Variants in SLC35E3 observed in about 807,000 individuals in gnomAD.
SLC35E3 encodes bladder cancer-overexpressed gene 1 protein.
A neutral mutation model predicts 30.8 loss-of-function variants in SLC35E3; 28 were observed. The ratio of observed to expected loss-of-function variants is 0.91; its 90% confidence interval spans 0.67 to 1.25. The LOEUF (loss-of-function observed/expected upper bound fraction) is 1.25. SLC35E3 is among the 50% of genes most tolerant of loss of function. The probability of loss-of-function intolerance (pLI) is 0.00; values close to 1 mark genes in which losing one functional copy is unlikely to be tolerated. For missense variants in SLC35E3, 365 were observed against 375.4 expected (o/e 0.97, Z 0.23); for synonymous variants, 146 against 149.2 (o/e 0.98, Z 0.16).
Position 68,746,629 on chromosome 12 carries a change from C to T in SLC35E3, c.252C>T (p.Phe84=). 6.2e-7 allele frequency: 1 copy of T among 1,614,250 alleles called. No individual in the cohort carries two copies. The highest frequency in any genetic ancestry group is 8.5e-7 in the Non-Finnish European group (1 of 1,180,040). Residue 84 remains phenylalanine, a synonymous_variant, in exon 1 of 5, where the codon TTC becomes TTT. Transcript: ENST00000398004. The stretch of plus-strand genomic sequence containing the variant: ...GGCTCCTCCTCCTGGCCCTCAGCTT[C>T]TGTGGCTTTGTGGTCTTCACTAACC... ...PSRLLLLALS[F]CGFVVFTNLS...
chr12:68,766,844 C>T lies in SLC35E3; in HGVS notation c.*1954C>T, dbSNP rs1004850848. ...AAGCCATCTGTCTGCCTCAGCCTCT[C>T]GAAGTGCTGGGATTACAGGCCTGAG... On this transcript the variant is annotated 3_prime_UTR_variant, in exon 5 of 5. Coordinates refer to ENST00000398004, the MANE Select transcript of SLC35E3 (RefSeq NM_018656.5). 1.6e-5 allele frequency: 7 copies of T among 437,598 alleles called. No homozygotes were observed. Among genetic ancestry groups the T allele is most frequent in the East Asian group, 1.5e-4 (2 of 13,192 alleles). 27.1% of individuals were successfully genotyped at this position (437,598 alleles called of 1,614,324 possible). A position where few individuals can be genotyped will look rare whatever the true frequency, so the allele number is the denominator to read the frequency against.
Position 68,776,964 on chromosome 12 carries a change from C to T in SLC35E3, c.*12074C>T, listed in dbSNP as rs993407673. 2.6e-5 allele frequency: 4 copies of T among 152,212 alleles called. No individual in the cohort carries two copies. Among genetic ancestry groups the T allele is most frequent in the African/African-American group, 7.2e-5 (3 of 41,442 alleles). 9.4% of individuals were successfully genotyped at this position (152,212 alleles called of 1,614,324 possible). ...CTCAGTTACCCAATATACCCCTCGC[C>T]CCAGCCCCATCCCTAGTCACCCCTC... On this transcript the variant is annotated 3_prime_UTR_variant, in exon 5 of 5. Transcript: ENST00000398004.
intron 4 of SLC35E3, among the ~76,000 whole-genome samples, chr12:68,761,495 C>T (rs773376947): frequency 2.6e-5 from 4 of 152,142 alleles, no homozygotes; most frequent in Admixed American, 6.6e-5. Context: ...TTGGGCTAGA[C>T]GGTTCTTAGT....
chr12:68,755,566 G>T (rs1408732977), intron 3 of SLC35E3, among the ~76,000 whole-genome samples: 1 of 152,076 alleles, frequency 6.6e-6, no homozygotes, highest in East Asian at 1.9e-4. Flanking sequence ...GGTTTATTTT[G>T]GCTTATGGTT....
chr12:68,759,323 A>G (rs973667645), intron 4 of SLC35E3, 84 bp downstream of exon 4: 4 of 959,102 alleles, frequency 4.2e-6, no homozygotes, highest in Admixed American at 1.9e-5. Context: ...TGAATCTCAC[A>G]CTAACTATTG....
At position 68,759,143 on chromosome 12, in the gene SLC35E3, T is replaced by A; in HGVS notation, c.673-14T>A. 6.3e-7 allele frequency: 1 copy of A among 1,582,614 alleles called. No individual in the cohort carries two copies. The highest frequency in any genetic ancestry group is 1.1e-5 in the South Asian group (1 of 88,582). ...CAGTGCTTTGCATTAATGGTTCTTT[T>A]GGTTTATTTGTAGCTTATGGTGCTG... On this transcript the variant is annotated splice_polypyrimidine_tract_variant and intron_variant, in intron 3 of 4. Transcript: ENST00000398004.
In SLC35E3 at chr12:68,775,947, TCAAAAAAAAA is replaced by T. The variant is rs1879729252; in HGVS notation, c.*11058_*11067del. 1 of 14,408 alleles carries T rather than the reference TCAAAAAAAAA, an allele frequency of 6.9e-5. No individual in the cohort carries two copies. The highest frequency in any genetic ancestry group is 2.3e-4 in the African/African-American group (1 of 4,398). 0.9% of individuals were successfully genotyped at this position (14,408 alleles called of 1,614,324 possible). On this transcript the variant is annotated 3_prime_UTR_variant, in exon 5 of 5. Transcript: ENST00000398004. ...TGGGTGACAAGAGCGAAACTCTGTC[TCAAAAAAAAA>T]AAAAAAAAAAAAAAAAAAAAAAGGC...
chr12:68,747,627 C>T (rs763197045), intron 1 of SLC35E3, among the ~76,000 whole-genome samples: 11 of 152,150 alleles, frequency 7.2e-5, no homozygotes, highest in African/African-American at 1.7e-4. Context: ...TGTTTAGACA[C>T]TAGTTTGGGG....
rs1879826425 is a variant in SLC35E3, at chr12:68,779,384, G to A, written c.*14494G>A. 3 of 152,164 alleles carry A rather than the reference G, an allele frequency of 2.0e-5. No individual in the cohort carries two copies. Among genetic ancestry groups the A allele is most frequent in the South Asian group, 4.1e-4 (2 of 4,830 alleles). 9.4% of individuals were successfully genotyped at this position (152,164 alleles called of 1,614,324 possible). On this transcript the variant is annotated 3_prime_UTR_variant, in exon 5 of 5. Transcript: ENST00000398004. ...CTTTAAGAAACTTAATGTTGAGAATGTTCTAGAATAGTGAGTCATTAGATT... is the reference window on the plus strand; with the variant it reads ...CTTTAAGAAACTTAATGTTGAGAATATTCTAGAATAGTGAGTCATTAGATT...
In SLC35E3 at chr12:68,770,014, T is replaced by C. The variant is rs895644547; in HGVS notation, c.*5124T>C. ...TCTGTGAGCACATAACAAAAGAATC[T>C]GGCCCAGGCTTGGCACTTGTGGAGG... On this transcript the variant is annotated 3_prime_UTR_variant, in exon 5 of 5. Transcript: ENST00000398004. 1 of 152,208 alleles carries C rather than the reference T, an allele frequency of 6.6e-6. No individual in the cohort carries two copies. Among genetic ancestry groups the C allele is most frequent in the Non-Finnish European group, 1.5e-5 (1 of 68,036 alleles). 9.4% of individuals were successfully genotyped at this position (152,208 alleles called of 1,614,324 possible). A position where few individuals can be genotyped will look rare whatever the true frequency, so the allele number is the denominator to read the frequency against.
chr12:68,754,093 C>T (rs868355774), intron 3 of SLC35E3, among the ~76,000 whole-genome samples: 1 of 152,154 alleles, frequency 6.6e-6, no homozygotes, highest in African/African-American at 2.4e-5. Context: ...GACCCACCCG[C>T]CTCGGCCTCC....
rs2136081988 is a variant in SLC35E3, at chr12:68,767,235, GAC to G, written c.*2347_*2348del. On this transcript the variant is annotated 3_prime_UTR_variant, in exon 5 of 5. Coordinates refer to ENST00000398004, the MANE Select transcript of SLC35E3 (RefSeq NM_018656.5). ...TTGATAATTTCATATAATAAATTGA[GAC>G]ATATCATTACTCTTGTAATAATTCA... 6.6e-6 allele frequency: 1 copy of G among 152,234 alleles called. No homozygotes were observed. The highest frequency in any genetic ancestry group is 2.1e-4 in the South Asian group (1 of 4,830). 9.4% of individuals were successfully genotyped at this position (152,234 alleles called of 1,614,324 possible).
At chr12:68,746,838 C>T in intron 1 of SLC35E3, 59 bp downstream of exon 1, 1 of 1,487,288 alleles carries the variant, frequency 6.7e-7, no homozygotes, top group Non-Finnish European at 9.0e-7. Flanking sequence ...GCACTGGCCC[C>T]GGGAAATTCG....
At chr12:68,763,841 T>C (rs879730481) in intron 4 of SLC35E3, among the ~76,000 whole-genome samples, 1 of 152,214 alleles carries the variant, frequency 6.6e-6, no homozygotes, top group African/African-American at 2.4e-5. Context: ...CCATTCATGT[T>C]TGGACTCCAC....
chr12:68,761,023 A>G (rs936407384), intron 4 of SLC35E3, among the ~76,000 whole-genome samples: 8 of 152,198 alleles, frequency 5.3e-5, no homozygotes, highest in Admixed American at 3.9e-4. Flanking sequence ...CATGCAGATC[A>G]GGAGGAAAGA....
chr12:68,752,125 G>A lies in SLC35E3; in HGVS notation c.607G>A (p.Val203Met). The A allele has an allele frequency of 1.2e-6, 2 of 1,613,922 alleles. No individual in the cohort carries two copies. The highest frequency in any genetic ancestry group is 1.6e-4 in the Middle Eastern group (1 of 6,062). Residue 203 changes from valine to methionine, a missense_variant, in exon 3 of 5, where the codon GTG becomes ATG. By Grantham distance (21) the Val-to-Met change is conservative (BLOSUM62 1). Coordinates refer to ENST00000398004, the MANE Select transcript of SLC35E3 (RefSeq NM_018656.5). Reference sequence around the variant, plus strand: ...GTCATCTGCCATGTTGCTGGTTGCTGTGCCCTTCTTTGAGCCAGTGTTTGG... The same window carrying A: ...GTCATCTGCCATGTTGCTGGTTGCTATGCCCTTCTTTGAGCCAGTGTTTGG... ...PMSSAMLLVA[V>M]PFFEPVFGEG...
At position 68,771,599 on chromosome 12, in the gene SLC35E3, C is replaced by T. The variant is rs1211805916; in HGVS notation, c.*6709C>T. Reference sequence around the variant, plus strand: ...TTTTGAGAGGCCAAGCTGGGTGGATCTCTTGAGCTCAGGAGTTCAAGACCA... The same window carrying T: ...TTTTGAGAGGCCAAGCTGGGTGGATTTCTTGAGCTCAGGAGTTCAAGACCA... On this transcript the variant is annotated 3_prime_UTR_variant, in exon 5 of 5. Coordinates refer to ENST00000398004, the MANE Select transcript of SLC35E3 (RefSeq NM_018656.5). 1.3e-5 allele frequency: 2 copies of T among 152,228 alleles called. No homozygotes were observed. Among genetic ancestry groups the T allele is most frequent in the South Asian group, 2.1e-4 (1 of 4,836 alleles). 9.4% of individuals were successfully genotyped at this position (152,228 alleles called of 1,614,324 possible). A position where few individuals can be genotyped will look rare whatever the true frequency, so the allele number is the denominator to read the frequency against.
At chr12:68,759,083 G>A (rs191230254) in intron 3 of SLC35E3, 74 bp from the exon 4 acceptor site, 23 of 1,091,332 alleles carry the variant, frequency 2.1e-5, no homozygotes, top group Middle Eastern at 2.0e-4. Flanking sequence ...TTAAAATGCC[G>A]AATGAAATGT....
rs371429974 is a variant in SLC35E3, at chr12:68,752,051, A to G, written c.533A>G (p.His178Arg). ...TTTCAGTGGGTAGGAGCCAAACAGC[A>G]TGAATTACAAGTGAACTCAATGCAG... is the stretch of plus-strand genomic sequence containing the variant. ...LYQVWVGAKQ[H>R]ELQVNSMQLL... is the part of the protein sequence containing the mutation. Residue 178 changes from histidine to arginine, a missense_variant, in exon 3 of 5, where the codon CAT becomes CGT. By Grantham distance (29) the His-to-Arg change is conservative. Coordinates refer to ENST00000398004, the MANE Select transcript of SLC35E3 (RefSeq NM_018656.5). 15 of 1,601,560 alleles carry G rather than the reference A, an allele frequency of 9.4e-6. No homozygotes were observed. Among genetic ancestry groups the G allele is most frequent in the African/African-American group, 8.1e-5 (6 of 74,314 alleles).
Sources: gnomAD v4.1 joint callset for allele counts (sites outside exome capture counted in the v4.1 genomes callset) on GRCh38, gnomAD v4.1.1 for gene constraint, MANE v1.5 for transcripts, NCBI Gene and HGNC (gene_info 2026-07-23, HGNC 2026-07-21) for gene names.